The following PPFIA1 variants were observed in gnomAD, a reference collection of about 807,000 sequenced individuals.
PPFIA1 encodes the protein PPFI scaffold protein A1, also known as liprin-alpha-1.
In PPFIA1, 25 loss-of-function variants were observed where a neutral mutation model predicts 149.9. That is an observed-to-expected ratio of 0.17 (90% CI 0.12 to 0.23). The LOEUF (loss-of-function observed/expected upper bound fraction) is 0.23. Among genes scored for constraint, PPFIA1 ranks in the 10% least tolerant of loss-of-function variants. PPFIA1 has a pLI of 1.00. For synonymous variants in PPFIA1, 549 were observed against 552.8 expected (o/e 0.99, Z 0.10); for missense variants, 1,362 against 1,506.5 (o/e 0.90, Z 1.59).
intron 2 of PPFIA1, among the ~76,000 whole-genome samples, chr11:70,313,675 G>A (rs7116191): frequency 0.22 from 33,277 of 152,052 alleles, 5,557 homozygotes; most frequent in African/African-American, 0.46. Flanking sequence ...TGTCCACTGC[G>A]TGAGAGCTTA....
chr11:70,292,383 G>C (rs947969411), intron 2 of PPFIA1, among the ~76,000 whole-genome samples: 2 of 152,224 alleles, frequency 1.3e-5, no homozygotes, highest in African/African-American at 4.8e-5. Flanking sequence ...ATTGGAGCGC[G>C]GGCTGGGTGG....
intron 2 of PPFIA1, among the ~76,000 whole-genome samples, chr11:70,284,919 T>C (rs2051002872): frequency 6.6e-6 from 1 of 152,114 alleles, no homozygotes; most frequent in Non-Finnish European, 1.5e-5. Flanking sequence ...TTAAGTACCT[T>C]AGGGCTTCAG....
rs2054622508 is a variant in PPFIA1 at position 70,331,068 on chromosome 11, C to T, written c.1077+749C>T. On this transcript the variant is annotated intron_variant, in intron 8 of 27. Coordinates refer to ENST00000253925, the MANE Select transcript of PPFIA1 (RefSeq NM_003626.5). ...CCAACATGGTGAAACTGCGTCTCTA[C>T]TAAAAATACAAAAATTAGCTGGGCT... 2.0e-5 allele frequency among the ~76,000 whole-genome samples: 3 copies of T among 152,128 alleles called. No individual in the cohort carries two copies. The South Asian group carries it at 6.2e-4, about 32-fold the overall frequency.
At chr11:70,381,631 G>A (rs967767921) in intron 26 of PPFIA1, among the ~76,000 whole-genome samples, 1 of 152,170 alleles carries the variant, frequency 6.6e-6, no homozygotes, top group African/African-American at 2.4e-5. Context: ...TCTTGTACCC[G>A]ACGTCGTTGG....
Position 70,272,285 on chromosome 11 carries a change from A to C in PPFIA1, c.113A>C (p.Gln38Pro). The change falls in exon 2 of 28, where the codon CAG (glutamine) becomes CCG (proline). Residue 38 changes from glutamine to proline, a missense_variant. Physicochemically the swap from Gln to Pro is moderately conservative, Grantham distance 76. Coordinates refer to ENST00000253925, the MANE Select transcript of PPFIA1 (RefSeq NM_003626.5). Reference sequence around the variant, plus strand: ...CCAGATGCAGATTCACATTTTGAACAGTTGATGGTCTCCATGCTAGAAGAA... The same window carrying C: ...CCAGATGCAGATTCACATTTTGAACCGTTGATGGTCTCCATGCTAGAAGAA... ...SQPDADSHFE[Q>P]LMVSMLEERD... 1 of 1,614,204 alleles carries C rather than the reference A, an allele frequency of 6.2e-7. No individual in the cohort carries two copies. The highest frequency in any genetic ancestry group is 8.5e-7 in the Non-Finnish European group (1 of 1,180,030).
Position 70,382,082 on chromosome 11 carries a change from A to C in PPFIA1, c.3551-6A>C, listed in dbSNP as rs1314011738. 1.3e-5 allele frequency: 21 copies of C among 1,613,770 alleles called. No homozygotes were observed. Among genetic ancestry groups the C allele is most frequent in the Non-Finnish European group, 1.7e-5 (20 of 1,179,894 alleles). ...TGCACGCTTCCTCTCGTGGCTGTTGAAACAGGCAATGTATCAGGAACACAG... is the reference window on the plus strand; with the variant it reads ...TGCACGCTTCCTCTCGTGGCTGTTGCAACAGGCAATGTATCAGGAACACAG... On this transcript the variant is annotated splice_region_variant and splice_polypyrimidine_tract_variant and intron_variant, in intron 26 of 27. Coordinates refer to ENST00000253925, the MANE Select transcript of PPFIA1 (RefSeq NM_003626.5).
At chr11:70,316,210 T>A (rs2053618731) in intron 2 of PPFIA1, among the ~76,000 whole-genome samples, 1 of 152,160 alleles carries the variant, frequency 6.6e-6, no homozygotes, top group South Asian at 2.1e-4. Flanking sequence ...TAGTTGGGAT[T>A]ACAGGCATGC....
At chr11:70,300,340 T>C (rs2052400703) in intron 2 of PPFIA1, among the ~76,000 whole-genome samples, 1 of 152,140 alleles carries the variant, frequency 6.6e-6, no homozygotes, top group Non-Finnish European at 1.5e-5. Context: ...TTTATTCCTT[T>C]TATGTTTACT....
intron 21 of PPFIA1, chr11:70,367,600 G>A: frequency 2.2e-6 from 1 of 455,388 alleles, no homozygotes; most frequent in Admixed American, 2.3e-5. Flanking sequence ...TTTTTTTCCA[G>A]AAGGCTGCTA....
chr11:70,376,581 C>G lies in PPFIA1; in HGVS notation c.3365C>G (p.Thr1122Ser), dbSNP rs1263657126. ...REFNNLLVMG[T>S]DRRFDEDDDK... ...TTTAACAACCTTTTGGTCATGGGGA[C>G]TGATAGAAGGTTTGATGAAGTAAGT... The change falls in exon 25 of 28, where the codon ACT becomes AGT. Residue 1122 changes from threonine (T) to serine (S), a missense_variant. Thr to Ser is a moderately conservative substitution (Grantham distance 58). Transcript: ENST00000253925. 1.9e-6 allele frequency: 3 copies of G among 1,613,514 alleles called. No individual in the cohort carries two copies. The highest frequency in any genetic ancestry group is 2.7e-5 in the African/African-American group (2 of 74,910).
At chr11:70,374,535 G>A (rs73521332) in intron 23 of PPFIA1, 9 of 172,704 alleles carry the variant, frequency 5.2e-5, no homozygotes, top group South Asian at 3.4e-4. Context: ...AGCTCCATCC[G>A]TGATGAAGTA....
At chr11:70,354,134 G>A in intron 16 of PPFIA1, 167 bp from the exon 17 acceptor site, 1 of 658,414 alleles carries the variant, frequency 1.5e-6, no homozygotes, top group Non-Finnish European at 2.5e-6. Context: ...CAACTCTGTG[G>A]TGCTGTGCTG....
intron 2 of PPFIA1, among the ~76,000 whole-genome samples, chr11:70,291,179 C>T (rs1038710022): frequency 3.9e-5 from 6 of 152,172 alleles, no homozygotes; most frequent in African/African-American, 1.4e-4. Context: ...AGCCACCACG[C>T]CCAGCCGATC....
At chr11:70,340,267 C>A (rs1284795993) in intron 14 of PPFIA1, among the ~76,000 whole-genome samples, 1 of 152,058 alleles carries the variant, frequency 6.6e-6, no homozygotes, top group African/African-American at 2.4e-5. Flanking sequence ...CATAGTAGGA[C>A]CCTGTCTCTA....
intron 15 of PPFIA1, among the ~76,000 whole-genome samples, chr11:70,346,381 GAA>G (rs2055707966): frequency 6.6e-6 from 1 of 152,116 alleles, no homozygotes; most frequent in African/African-American, 2.4e-5. Flanking sequence ...AGGAGGTAAA[GAA>G]GAGAAGGTTG....
At chr11:70,336,230 TG>T (rs1433767987) in intron 11 of PPFIA1, among the ~76,000 whole-genome samples, 3 of 152,124 alleles carry the variant, frequency 2.0e-5, no homozygotes, top group Admixed American at 6.5e-5. Flanking sequence ...TGGCTGGGCG[TG>T]GTGGCTCACG....
At chr11:70,379,133 C>T (rs1457006036) in intron 26 of PPFIA1, among the ~76,000 whole-genome samples, 1 of 152,200 alleles carries the variant, frequency 6.6e-6, no homozygotes, top group Non-Finnish European at 1.5e-5. Flanking sequence ...TCAGTCGGGG[C>T]TGTTTGGCAG....
chr11:70,314,769 C>T (rs2053495730), intron 2 of PPFIA1, among the ~76,000 whole-genome samples: 1 of 152,080 alleles, frequency 6.6e-6, no homozygotes, highest in African/African-American at 2.4e-5. Flanking sequence ...TAAAGAGAAA[C>T]TGACAGGGAA....
At chr11:70,348,472 A>G (rs1027107603) in intron 16 of PPFIA1, 52 bp downstream of exon 16, 1 of 1,379,874 alleles carries the variant, frequency 7.2e-7, no homozygotes, top group Admixed American at 1.8e-5. Context: ...ACCTGTATGA[A>G]ATCTTGGACA....
Sources: allele counts gnomAD v4.1 joint callset (sites outside exome capture counted in the v4.1 genomes callset), GRCh38; gene constraint gnomAD v4.1.1; transcripts MANE v1.5; gene names NCBI Gene and HGNC (gene_info 2026-07-23, HGNC 2026-07-21).